The following TTC23L variants were observed in gnomAD, a reference collection of about 807,000 sequenced individuals.
The protein encoded by TTC23L is tetratricopeptide repeat protein 23-like.
A neutral mutation model predicts 48.1 loss-of-function variants in TTC23L; 42 were observed. The observed-to-expected ratio is 0.87, with a 90% CI of 0.68 to 1.13. The LOEUF (loss-of-function observed/expected upper bound fraction) is 1.13, where lower values mean the gene tolerates loss of function less well. Among genes scored for constraint, TTC23L ranks in the 50% most tolerant of loss-of-function variants. TTC23L has a pLI of 0.00. For missense variants in TTC23L, 391 were observed against 421.0 expected (o/e 0.93, Z 0.62); for synonymous variants, 159 against 157.2 (o/e 1.01, Z -0.09).
chr5:34,911,878 T>C, the TTC23L span: 3 of 1,534,364 alleles, frequency 2.0e-6, no homozygotes, highest in Non-Finnish European at 2.6e-6. Flanking sequence ...CTCCTCGAAA[T>C]GATACATAAA....
chr5:34,922,470 T>C, the TTC23L span: 5 of 1,008,104 alleles, frequency 5.0e-6, no homozygotes, highest in Non-Finnish European at 7.7e-6. Context: ...ATATTATTTA[T>C]GGTGAATAGG....
intron 9 of TTC23L, among the ~76,000 whole-genome samples, chr5:34,884,516 G>A (rs1019034865): frequency 6.6e-6 from 1 of 150,968 alleles, no homozygotes; most frequent in African/African-American, 2.4e-5. Context: ...AAACCCTAAT[G>A]ATCACATACA....
chr5:34,913,361 T>G, the TTC23L span: 8 of 529,580 alleles, frequency 1.5e-5, no homozygotes, highest in Non-Finnish European at 2.6e-5. Flanking sequence ...CACTGAAAAA[T>G]GAATTGGCAT....
intron 3 of TTC23L, among the ~76,000 whole-genome samples, chr5:34,847,273 A>G (rs1759282866): frequency 6.6e-6 from 1 of 152,172 alleles, no homozygotes; most frequent in African/African-American, 2.4e-5. Flanking sequence ...AATCCAGGCT[A>G]GAAGGATCAT....
At chr5:34,922,303 A>C in the TTC23L span, 326 of 1,488,036 alleles carry the variant, frequency 2.2e-4, no homozygotes, top group African/African-American at 4.0e-3. Context: ...AGAATGTATT[A>C]AGATTTTGGT....
At chr5:34,854,146 C>G (rs1344961687) in intron 4 of TTC23L, among the ~76,000 whole-genome samples, 4 of 152,192 alleles carry the variant, frequency 2.6e-5, no homozygotes, top group Non-Finnish European at 2.9e-5. Flanking sequence ...ATCCTTTTCT[C>G]CCTAACTGAC....
chr5:34,852,732 A>G (rs1253840586), intron 4 of TTC23L, among the ~76,000 whole-genome samples: 1 of 152,164 alleles, frequency 6.6e-6, no homozygotes, highest in African/African-American at 2.4e-5. Context: ...GGAAAGACCA[A>G]GTGGTGGGGT....
chr5:34,908,533 A>G, the TTC23L span: 2 of 366,846 alleles, frequency 5.5e-6, no homozygotes, highest in Non-Finnish European at 4.9e-6. Context: ...AGACAGAACT[A>G]AAGGACAGTC....
At chr5:34,857,732 C>A (rs559972848) in intron 4 of TTC23L, among the ~76,000 whole-genome samples, 1 of 151,980 alleles carries the variant, frequency 6.6e-6, no homozygotes, top group African/African-American at 2.4e-5. Flanking sequence ...TTAATCCTTG[C>A]GACAACTCTA....
At chr5:34,900,902 C>T (rs73080636), downstream of TTC23L, among the ~76,000 whole-genome samples, 980 of 152,316 alleles carry the variant, frequency 6.4e-3, 14 homozygotes, top group African/African-American at 0.022. Flanking sequence ...AACATCTGCG[C>T]GCACTGCCGC....
downstream of TTC23L, among the ~76,000 whole-genome samples, chr5:34,904,295 CAA>C (rs751060819): frequency 2.7e-5 from 4 of 147,810 alleles, no homozygotes; most frequent in Non-Finnish European, 3.0e-5. Flanking sequence ...AGCAAGCAAA[CAA>C]AAAAGTTTAT....
At position 34,863,169 on chromosome 5, in the gene TTC23L, C is replaced by T. The variant is rs150432503; in HGVS notation, c.536+115C>T. The stretch of plus-strand genomic sequence containing the variant: ...GAACCAAGGCCTTGTAGATCTGTTC[C>T]AACATCAAGGCCCTCCATGAGCCTC... On this transcript the variant is annotated intron_variant, in intron 5 of 10. Coordinates refer to ENST00000505624, the Ensembl canonical transcript of TTC23L. This position sits in a 1 kb window ranked among gnomAD's most constrained non-coding sequence, Gnocchi z 4.1. 1.2e-5 allele frequency: 16 copies of T among 1,337,966 alleles called. No individual in the cohort carries two copies. The highest frequency in any genetic ancestry group is 1.2e-4 in the African/African-American group (8 of 68,430). The allele number at this position is 1,337,966 out of a possible 1,614,324, so 82.9% of individuals were successfully genotyped here.
At chr5:34,885,584 T>C (rs1339369743) in intron 9 of TTC23L, among the ~76,000 whole-genome samples, 1 of 151,714 alleles carries the variant, frequency 6.6e-6, no homozygotes, top group East Asian at 1.9e-4. Context: ...ATTTCTACAA[T>C]AAATAAATAA....
At chr5:34,857,417 GCTTT>G (rs911760912) in intron 4 of TTC23L, among the ~76,000 whole-genome samples, 3 of 152,140 alleles carry the variant, frequency 2.0e-5, no homozygotes, top group African/African-American at 7.2e-5. Context: ...CCTAAGTCAT[GCTTT>G]CTTTGTCTAG....
At chr5:34,903,347 TA>T (rs1338139787), downstream of TTC23L, among the ~76,000 whole-genome samples, 3 of 151,930 alleles carry the variant, frequency 2.0e-5, no homozygotes, top group African/African-American at 7.3e-5. Context: ...TTTAGGTTCA[TA>T]AAAAAAATTA....
chr5:34,873,716 C>T (rs1256473802), intron 8 of TTC23L, among the ~76,000 whole-genome samples: 1 of 152,194 alleles, frequency 6.6e-6, no homozygotes, highest in East Asian at 1.9e-4. Flanking sequence ...GCTCTCCCCA[C>T]ATCCCTGGAT....
intron 4 of TTC23L, among the ~76,000 whole-genome samples, chr5:34,852,964 C>T (rs1759799532): frequency 6.6e-6 from 1 of 152,148 alleles, no homozygotes. Flanking sequence ...GAGATGTATT[C>T]ACTATCACCA....
the TTC23L span, among the ~76,000 whole-genome samples, chr5:34,923,797 C>G: frequency 6.6e-6 from 1 of 152,144 alleles, no homozygotes; most frequent in South Asian, 2.1e-4. Flanking sequence ...GCTTCCTTTT[C>G]CCTAAAGAGA....
intron 9 of TTC23L, among the ~76,000 whole-genome samples, chr5:34,890,211 G>A (rs572608071): frequency 6.4e-4 from 98 of 152,034 alleles, no homozygotes; most frequent in African/African-American, 2.3e-3. Flanking sequence ...TTGGGAGGCT[G>A]AGGCTGGTGG....
Sources: allele counts gnomAD v4.1 joint callset (sites outside exome capture counted in the v4.1 genomes callset), GRCh38; gene constraint gnomAD v4.1.1; non-coding constraint Gnocchi (gnomAD v3.1); transcripts MANE v1.5; gene names NCBI Gene and HGNC (gene_info 2026-07-23, HGNC 2026-07-21).